SMYD1: variants seen among roughly 807,000 people sequenced by gnomAD.
SMYD1 encodes the protein SET and MYND domain containing 1.
In SMYD1, 49 loss-of-function variants were observed where a neutral mutation model predicts 54.0. That is an observed-to-expected ratio of 0.91 (90% confidence interval 0.72 to 1.15). The LOEUF (loss-of-function observed/expected upper bound fraction) is 1.15, where lower values mean the gene tolerates loss of function less well. Among genes scored for constraint, SMYD1 ranks in the 50% most tolerant of loss-of-function variants. The pLI, the probability that SMYD1 is intolerant of heterozygous loss-of-function variation, is 0.00. For missense variants in SMYD1, 653 were observed against 639.6 expected, an observed-to-expected ratio of 1.02 and a Z score of -0.23; for synonymous variants, 269 against 234.2, an observed-to-expected ratio of 1.15 and a Z score of -1.36.
intron 1 of SMYD1, among the ~76,000 whole-genome samples, chr2:88,081,680 C>A (rs949591510): frequency 1.3e-5 from 2 of 152,084 alleles, no homozygotes; most frequent in Non-Finnish European, 2.9e-5. Flanking sequence ...AGGTGATCTG[C>A]GCACCTCGGC....
At chr2:88,091,357 T>C (rs74366264) in intron 4 of SMYD1, among the ~76,000 whole-genome samples, 74 of 152,324 alleles carry the variant, frequency 4.9e-4, no homozygotes, top group Non-Finnish European at 9.8e-4. Flanking sequence ...TTTCTGAATG[T>C]GTATGTTTCT....
Position 88,110,701 on chromosome 2 carries a change from C to T in SMYD1, c.*189C>T. The T allele has an allele frequency of 3.2e-6, 2 of 620,488 alleles. No homozygotes were observed. Among genetic ancestry groups the T allele is most frequent in the East Asian group, 6.4e-5 (2 of 31,430 alleles). 38.4% of individuals were successfully genotyped at this position (620,488 alleles called of 1,614,324 possible). ...TTCAAGTCTATTCAATTCAAGTTAA[C>T]TCTAGCCCAGCCCAGATCAACTCCT... On this transcript the variant is annotated 3_prime_UTR_variant, in exon 10 of 10. Coordinates refer to ENST00000419482, the MANE Select transcript of SMYD1 (RefSeq NM_198274.4).
intron 1 of SMYD1, among the ~76,000 whole-genome samples, chr2:88,078,882 A>C (rs940940291): frequency 6.6e-6 from 1 of 152,266 alleles, no homozygotes; most frequent in African/African-American, 2.4e-5. Context: ...GGAAACCTAA[A>C]TTTAAGAACG....
intron 7 of SMYD1, among the ~76,000 whole-genome samples, chr2:88,103,475 T>C (rs1050667071): frequency 8.5e-5 from 13 of 152,180 alleles, no homozygotes; most frequent in Non-Finnish European, 7.3e-5. Context: ...CCAGTGGACA[T>C]ACTGGGAGTG....
intron 9 of SMYD1, 96 bp from the exon 10 acceptor site, chr2:88,110,258 C>T (rs1486375002): frequency 7.5e-7 from 1 of 1,330,694 alleles, no homozygotes; most frequent in South Asian, 1.5e-5. Flanking sequence ...AGAGTTGAAT[C>T]TCCGTGGCTG....
At chr2:88,068,104 T>C (rs1052353109) in intron 1 of SMYD1, 103 bp downstream of exon 1, 2 of 1,450,020 alleles carry the variant, frequency 1.4e-6, no homozygotes, top group Non-Finnish European at 1.8e-6. Flanking sequence ...ATAAAATTCA[T>C]GTGCTCTTTT....
rs1428538420 is a variant in SMYD1 at position 88,096,578 on chromosome 2, C to T, written c.699-17C>T. ...AGGCCTGGATTCGATTCACCTTTTC[C>T]TTTCACCCTGCTTCAGAATTGAGCT... On this transcript the variant is annotated splice_polypyrimidine_tract_variant and intron_variant, in intron 5 of 9. Transcript: ENST00000419482. The T allele has an allele frequency of 6.9e-6, 11 of 1,599,954 alleles. No individual in the cohort carries two copies. Among genetic ancestry groups the T allele is most frequent in the Non-Finnish European group, 9.4e-6 (11 of 1,171,854 alleles).
chr2:88,093,372 C>A, intron 4 of SMYD1, 145 bp from the exon 5 acceptor site: 1 of 900,142 alleles, frequency 1.1e-6, no homozygotes, highest in Non-Finnish European at 1.8e-6. Context: ...TCCAGTGAGT[C>A]CAGCTAGAAG....
At chr2:88,097,704 T>C (rs1404095823) in intron 6 of SMYD1, among the ~76,000 whole-genome samples, 3 of 152,184 alleles carry the variant, frequency 2.0e-5, no homozygotes, top group Non-Finnish European at 4.4e-5. Flanking sequence ...AGATTTCATT[T>C]TGAGGTAGCT....
intron 6 of SMYD1, among the ~76,000 whole-genome samples, chr2:88,098,677 TAG>T (rs1301201676): frequency 6.6e-6 from 1 of 152,246 alleles, no homozygotes; most frequent in East Asian, 1.9e-4. Flanking sequence ...GCCTGTGTAC[TAG>T]TACTGGCTAT....
chr2:88,078,998 A>C (rs1674128882), intron 1 of SMYD1, among the ~76,000 whole-genome samples: 1 of 152,272 alleles, frequency 6.6e-6, no homozygotes, highest in African/African-American at 2.4e-5. Flanking sequence ...TGGAGGAACT[A>C]TTTGGTGGTT....
At position 88,098,990 on chromosome 2, in the gene SMYD1, C is replaced by CA. The variant is rs561325866; in HGVS notation, c.888+2210dup. ...TATTTTTAAAACGGGAAAATAATAGCAAAACTTATGACATTTTTCCTCAGT... is the reference window on the plus strand; with the variant it reads ...TATTTTTAAAACGGGAAAATAATAGCAAAAACTTATGACATTTTTCCTCAGT... On this transcript the variant is annotated intron_variant, in intron 6 of 9. Coordinates refer to ENST00000419482, the MANE Select transcript of SMYD1 (RefSeq NM_198274.4). Among the ~76,000 whole-genome samples, 4 of 152,288 alleles carry CA rather than the reference C, an allele frequency of 2.6e-5. No homozygotes were observed. The East Asian group carries it at 7.7e-4, about 29-fold the overall frequency.
chr2:88,076,151 T>C (rs1674056544), intron 1 of SMYD1, among the ~76,000 whole-genome samples: 1 of 152,122 alleles, frequency 6.6e-6, no homozygotes, highest in African/African-American at 2.4e-5. Context: ...GGTCCTGCCT[T>C]GTTTATATGT....
chr2:88,071,789 C>T (rs541633738), intron 1 of SMYD1, among the ~76,000 whole-genome samples: 3 of 152,092 alleles, frequency 2.0e-5, no homozygotes, highest in Admixed American at 2.0e-4. Flanking sequence ...GGGTGATGCA[C>T]GAGTGGGTAA....
intron 4 of SMYD1, among the ~76,000 whole-genome samples, chr2:88,091,470 A>AT (rs1674460608): frequency 6.6e-6 from 1 of 152,192 alleles, no homozygotes; most frequent in African/African-American, 2.4e-5. Flanking sequence ...CTCAGCAGGA[A>AT]TCAGGAGGCA....
intron 8 of SMYD1, 128 bp downstream of exon 8, chr2:88,106,616 G>A (rs184940045): frequency 3.5e-4 from 346 of 977,910 alleles, no homozygotes; most frequent in African/African-American, 2.9e-3. Flanking sequence ...AATCCATCAT[G>A]GTTCTCTTTT....
At chr2:88,094,441 G>C (rs1375730695) in intron 5 of SMYD1, among the ~76,000 whole-genome samples, 1 of 152,160 alleles carries the variant, frequency 6.6e-6, no homozygotes, top group South Asian at 2.1e-4. Flanking sequence ...TGAGGTAGAA[G>C]GGGTCTGGGG....
intron 6 of SMYD1, among the ~76,000 whole-genome samples, chr2:88,100,487 TA>T (rs1279355771): frequency 6.6e-6 from 1 of 152,188 alleles, no homozygotes; most frequent in Non-Finnish European, 1.5e-5. Context: ...GATTAGATAT[TA>T]GGGGTCATAC....
chr2:88,091,117 T>C lies in SMYD1; in HGVS notation c.634T>C (p.Cys212Arg). ...GGTGAACCATGACTGTTGGCCCAAC[T>C]GTACTGTCATATTTAACAATGGCAA... ...GLVNHDCWPN[C>R]TVIFNNGNHE... The change falls in exon 4 of 10, where the codon TGT becomes CGT. Residue 212 changes from cysteine (C) to arginine (R), a missense_variant. Transcript: ENST00000419482. The C allele has an allele frequency of 6.2e-7, 1 of 1,614,142 alleles. No individual in the cohort carries two copies. Among genetic ancestry groups the C allele is most frequent in the Admixed American group, 1.7e-5 (1 of 60,022 alleles).
Sources: gnomAD v4.1 joint callset for allele counts (sites outside exome capture counted in the v4.1 genomes callset) on GRCh38, gnomAD v4.1.1 for gene constraint, MANE v1.5 for transcripts, NCBI Gene and HGNC (gene_info 2026-07-23, HGNC 2026-07-21) for gene names.